Variants in AKAP19 observed in about 807,000 individuals in gnomAD.
AKAP19 encodes A-kinase anchoring protein 19.
At chr2:190,078,247 CA>C in the AKAP19 span, among the ~76,000 whole-genome samples, 1 of 152,170 alleles carries the variant, frequency 6.6e-6, no homozygotes, top group African/African-American at 2.4e-5. Flanking sequence ...TTCTGTGCAT[CA>C]CATCATTTGT....
At chr2:190,086,259 A>C in the AKAP19 span, among the ~76,000 whole-genome samples, 1 of 152,254 alleles carries the variant, frequency 6.6e-6, no homozygotes, top group African/African-American at 2.4e-5. Flanking sequence ...TCCTTAAAAT[A>C]TCACCAATTG....
the AKAP19 span, among the ~76,000 whole-genome samples, chr2:190,031,356 G>C: frequency 2.0e-5 from 3 of 152,152 alleles, no homozygotes; most frequent in Non-Finnish European, 2.9e-5. Flanking sequence ...TAATTCAGCT[G>C]TTCTCAGACA....
chr2:190,031,792 C>T, the AKAP19 span, among the ~76,000 whole-genome samples: 2 of 152,270 alleles, frequency 1.3e-5, no homozygotes, highest in African/African-American at 4.8e-5. Flanking sequence ...TGAACTTCCA[C>T]TGTCCTGGAA....
chr2:189,979,773 C>G, the AKAP19 span, among the ~76,000 whole-genome samples: 29 of 152,202 alleles, frequency 1.9e-4, no homozygotes, highest in African/African-American at 6.5e-4. Context: ...CATGAACAGA[C>G]ACTTCTCAAA....
the AKAP19 span, among the ~76,000 whole-genome samples, chr2:189,991,328 TC>T: frequency 6.6e-6 from 1 of 152,214 alleles, no homozygotes; most frequent in Non-Finnish European, 1.5e-5. Flanking sequence ...GTAAAAGTGT[TC>T]CCTTTTTACC....
chr2:189,892,235 C>T, the AKAP19 span, among the ~76,000 whole-genome samples: 1 of 152,050 alleles, frequency 6.6e-6, no homozygotes, highest in Admixed American at 6.6e-5. Flanking sequence ...TTACTTCCAT[C>T]AATTCGTCAA....
chr2:190,124,673 G>A, the AKAP19 span, among the ~76,000 whole-genome samples: 2 of 152,206 alleles, frequency 1.3e-5, no homozygotes, highest in East Asian at 3.9e-4. Context: ...TCAAACCACT[G>A]CACTCTAGCC....
chr2:190,020,297 AT>A, the AKAP19 span, among the ~76,000 whole-genome samples: 1 of 152,238 alleles, frequency 6.6e-6, no homozygotes, highest in Non-Finnish European at 1.5e-5. Context: ...ATTTTTTAAA[AT>A]AAGTGATAAT....
At chr2:189,900,170 T>A in the AKAP19 span, among the ~76,000 whole-genome samples, 1 of 152,224 alleles carries the variant, frequency 6.6e-6, no homozygotes, top group Non-Finnish European at 1.5e-5. Flanking sequence ...TGCAATTTAG[T>A]TTGTTTCCAA....
chr2:190,200,312 A>G, the AKAP19 span: 2 of 641,120 alleles, frequency 3.1e-6, no homozygotes, highest in Non-Finnish European at 5.5e-6. Flanking sequence ...CATTTTAAGT[A>G]CTTCTATGTT....
chr2:189,932,288 G>A, the AKAP19 span, among the ~76,000 whole-genome samples: 1 of 151,866 alleles, frequency 6.6e-6, no homozygotes, highest in Non-Finnish European at 1.5e-5. Flanking sequence ...CGCACCTGTA[G>A]TCCCAGCTAC....
the AKAP19 span, among the ~76,000 whole-genome samples, chr2:190,070,256 G>A: frequency 2.0e-5 from 3 of 151,900 alleles, no homozygotes; most frequent in African/African-American, 7.3e-5. Flanking sequence ...AGGTATTGGG[G>A]TCAGTGTTTT....
chr2:189,885,019 T>A, the AKAP19 span, among the ~76,000 whole-genome samples: 1 of 152,218 alleles, frequency 6.6e-6, no homozygotes, highest in Non-Finnish European at 1.5e-5. Flanking sequence ...GAAGTCAGAT[T>A]TATGTTTTCT....
At chr2:190,068,310 T>C in the AKAP19 span, among the ~76,000 whole-genome samples, 3 of 152,136 alleles carry the variant, frequency 2.0e-5, no homozygotes, top group East Asian at 5.8e-4. Context: ...ACCTGGCACA[T>C]AGTTAGACGG....
chr2:190,141,851 A>G, the AKAP19 span, among the ~76,000 whole-genome samples: 1 of 152,244 alleles, frequency 6.6e-6, no homozygotes, highest in African/African-American at 2.4e-5. Flanking sequence ...CACAAGAGAC[A>G]CAAGTCAAGC....
At chr2:190,060,260 A>T in the AKAP19 span, 12 of 1,613,020 alleles carry the variant, frequency 7.4e-6, no homozygotes, top group Non-Finnish European at 1.0e-5. Context: ...TATACCTTGT[A>T]CCGTCTTTCA....
the AKAP19 span, among the ~76,000 whole-genome samples, chr2:190,038,257 T>C: frequency 6.6e-6 from 1 of 152,202 alleles, no homozygotes; most frequent in African/African-American, 2.4e-5. Context: ...ATGAGATCCC[T>C]GTACCTTGTC....
the AKAP19 span, among the ~76,000 whole-genome samples, chr2:190,080,909 A>C: frequency 5.3e-5 from 8 of 152,182 alleles, no homozygotes; most frequent in Non-Finnish European, 1.2e-4. Flanking sequence ...CATTTCATGA[A>C]GGCAGTGATG....
chr2:190,061,533 G>A, the AKAP19 span, among the ~76,000 whole-genome samples: 4 of 151,870 alleles, frequency 2.6e-5, no homozygotes, highest in Non-Finnish European at 4.4e-5. Flanking sequence ...CTATGGTCAA[G>A]GTACAAGGAG....
Sources: allele counts gnomAD v4.1 joint callset (sites outside exome capture counted in the v4.1 genomes callset), GRCh38; gene constraint gnomAD v4.1.1; transcripts MANE v1.5; gene names NCBI Gene and HGNC (gene_info 2026-07-23, HGNC 2026-07-21).